Variants in AFAP1L2 observed in about 807,000 individuals in gnomAD.
The protein encoded by AFAP1L2 is actin filament associated protein 1 like 2.
A neutral mutation model predicts 99.3 loss-of-function variants in AFAP1L2; 46 were observed. That is an observed-to-expected ratio of 0.46 (90% confidence interval 0.37 to 0.59). The LOEUF (loss-of-function observed/expected upper bound fraction) is 0.59. Ranked by LOEUF, AFAP1L2 falls within the 20% of genes least tolerant of loss-of-function variation. The pLI is 0.00. For missense variants in AFAP1L2, 959 were observed against 1,034.9 expected (o/e 0.93, Z 1.01); for synonymous variants, 397 against 419.1 (o/e 0.95, Z 0.64).
intron 1 of AFAP1L2, among the ~76,000 whole-genome samples, chr10:114,357,683 T>G (rs1005912512): frequency 1.3e-5 from 2 of 152,224 alleles, no homozygotes; most frequent in Admixed American, 6.5e-5. Flanking sequence ...CTAATTTACA[T>G]GTATTCCTTG....
At chr10:114,349,555 G>GAAA (rs200302338) in intron 1 of AFAP1L2, among the ~76,000 whole-genome samples, 15 of 123,762 alleles carry the variant, frequency 1.2e-4, no homozygotes, top group African/African-American at 3.5e-4. Context: ...TTGTCGCTTG[G>GAAA]AAAAAAAAAA....
chr10:114,282,017 C>CTTTTTTTTTTTTTTTTTTT, the AFAP1L2 span, among the ~76,000 whole-genome samples: 55 of 119,674 alleles, frequency 4.6e-4, 2 homozygotes, highest in African/African-American at 1.2e-3. Flanking sequence ...CTTATGTTAC[C>CTTTTTTTTTTTTTTTTTTT]TTTTTTTTTT....
At chr10:114,372,068 T>A (rs575478359) in intron 1 of AFAP1L2, among the ~76,000 whole-genome samples, 1 of 152,348 alleles carries the variant, frequency 6.6e-6, no homozygotes, top group Admixed American at 6.5e-5. Flanking sequence ...AAAGGTTCTT[T>A]CCCTTAACTT....
intron 1 of AFAP1L2, among the ~76,000 whole-genome samples, chr10:114,381,067 C>A (rs1267668473): frequency 6.6e-6 from 1 of 152,122 alleles, no homozygotes; most frequent in Non-Finnish European, 1.5e-5. Context: ...AAAACTTGTA[C>A]ATGAATGGTT....
upstream of AFAP1L2, among the ~76,000 whole-genome samples, chr10:114,405,018 G>C (rs550645967): frequency 2.2e-4 from 34 of 152,322 alleles, no homozygotes; most frequent in African/African-American, 7.9e-4. Context: ...GGAGGGCAGC[G>C]GGGCGGGCAA....
intron 4 of AFAP1L2, chr10:114,325,998 A>G (rs2135378954): frequency 7.8e-7 from 1 of 1,284,804 alleles, no homozygotes; most frequent in Non-Finnish European, 1.0e-6. Context: ...CCATCTGGAG[A>G]AAAGCTCTGG....
Position 114,313,731 on chromosome 10 carries a change from G to A in AFAP1L2, c.792+140C>T, listed in dbSNP as rs570001380. 2.4e-4 allele frequency: 206 copies of A among 857,820 alleles called. 2 individuals are homozygous for A. Among genetic ancestry groups the A allele is most frequent in the South Asian group, 2.2e-3 (97 of 44,478 alleles). The allele number at this position is 857,820 out of a possible 1,614,324, so 53.1% of individuals were successfully genotyped here. ...GTAACCCATTTGCAGAAGACAGATC[G>A]TTACCACTTAGAACACAGGAAGCCC... is the stretch of plus-strand genomic sequence containing the variant. On this transcript the variant is annotated intron_variant, in intron 7 of 18. Transcript: ENST00000304129.
At chr10:114,335,759 T>C (rs1039652123) in intron 2 of AFAP1L2, among the ~76,000 whole-genome samples, 1 of 152,200 alleles carries the variant, frequency 6.6e-6, no homozygotes, top group Non-Finnish European at 1.5e-5. Context: ...AGTTTAATTA[T>C]AAGATCATGT....
At position 114,336,600 on chromosome 10, in the gene AFAP1L2, G is replaced by A. The variant is rs146123294; in HGVS notation, c.146-3305C>T. ...GAGAACTGGCATAGGGTGGGGAGGAGGAACATGAACCTCTTTGCTACCACT... is the reference window on the plus strand; with the variant it reads ...GAGAACTGGCATAGGGTGGGGAGGAAGAACATGAACCTCTTTGCTACCACT... On this transcript the variant is annotated intron_variant, in intron 2 of 18. Coordinates refer to ENST00000304129, the MANE Select transcript of AFAP1L2 (RefSeq NM_001001936.3). Among the ~76,000 whole-genome samples, 154 of 151,600 alleles carry A rather than the reference G, an allele frequency of 1.0e-3. 1 individual carries two copies. The highest frequency in any genetic ancestry group is 3.4e-3 in the Middle Eastern group (1 of 294).
chr10:114,340,931 C>T (rs2048734967), intron 1 of AFAP1L2, 200 bp from the exon 2 acceptor site: 7 of 673,270 alleles, frequency 1.0e-5, no homozygotes, highest in Non-Finnish European at 1.5e-5. Context: ...GAGAGAGAAA[C>T]AGGCCCTTGG....
chr10:114,309,431 T>C (rs924618845), intron 8 of AFAP1L2, among the ~76,000 whole-genome samples: 2 of 152,182 alleles, frequency 1.3e-5, no homozygotes, highest in African/African-American at 4.8e-5. Context: ...GTGTGCCTCT[T>C]GTTTTCCTCC....
intron 5 of AFAP1L2, chr10:114,319,594 G>A (rs2044768765): frequency 1.6e-6 from 2 of 1,289,584 alleles, no homozygotes; most frequent in Admixed American, 2.3e-5. Flanking sequence ...GACTCCTTCG[G>A]GCACCTGCAC....
rs373684328 is a variant in AFAP1L2, at chr10:114,341,796, C to T, written c.17-1065G>A. Among the ~76,000 whole-genome samples, 46 of 152,208 alleles carry T rather than the reference C, an allele frequency of 3.0e-4. 1 individual carries two copies. In the South Asian group the frequency reaches 8.3e-3, roughly 28 times the overall value. ...TCACACATCATGGTCTTCTCCCCCT[C>T]TGCTAAATCACAATTGTCCCTGTGT... On this transcript the variant is annotated intron_variant, in intron 1 of 18. Coordinates refer to ENST00000304129, the MANE Select transcript of AFAP1L2 (RefSeq NM_001001936.3).
the AFAP1L2 span, among the ~76,000 whole-genome samples, chr10:114,281,416 C>T: frequency 6.6e-6 from 1 of 152,176 alleles, no homozygotes; most frequent in African/African-American, 2.4e-5. Context: ...CCCAGCTCTG[C>T]TGTGTTCCGG....
intron 2 of AFAP1L2, among the ~76,000 whole-genome samples, chr10:114,338,172 G>A (rs1292370086): frequency 6.6e-6 from 1 of 152,214 alleles, no homozygotes; most frequent in African/African-American, 2.4e-5. Context: ...CAGGGAACAG[G>A]GAAGGGGAAA....
intron 7 of AFAP1L2, 150 bp from the exon 8 acceptor site, chr10:114,310,593 C>G (rs949796688): frequency 3.0e-6 from 2 of 676,628 alleles, no homozygotes; most frequent in South Asian, 4.3e-5. Context: ...CACCCGACCC[C>G]AGCCCCAAGG....
chr10:114,297,362 T>A lies in AFAP1L2; in HGVS notation c.2165A>T (p.Glu722Val). The change falls in exon 17 of 19, where the codon GAG becomes GTG. Residue 722 changes from glutamate to valine, a missense_variant. Transcript: ENST00000304129. ...LEQKLKEIDE[E>V]CRGEESRRVD... ...GCGCCTGCTCTCCTCGCCCCGGCAC[T>A]CCTCGTCAATTTCCTTCAGCTTCTG... 1 of 1,613,722 alleles carries A rather than the reference T, an allele frequency of 6.2e-7. No individual in the cohort carries two copies. The highest frequency in any genetic ancestry group is 1.1e-5 in the South Asian group (1 of 91,060).
chr10:114,343,067 T>A (rs2049034366), intron 1 of AFAP1L2, among the ~76,000 whole-genome samples: 1 of 152,216 alleles, frequency 6.6e-6, no homozygotes, highest in African/African-American at 2.4e-5. Context: ...GTGGCCTGGA[T>A]TAAGAGTAAA....
chr10:114,291,515 C>T, downstream of AFAP1L2: 1 of 437,790 alleles, frequency 2.3e-6, no homozygotes. Context: ...CTTTCTGTAC[C>T]TGCTGTGCCT....
Sources: gnomAD v4.1 joint callset for allele counts (sites outside exome capture counted in the v4.1 genomes callset) on GRCh38, gnomAD v4.1.1 for gene constraint, MANE v1.5 for transcripts, NCBI Gene and HGNC (gene_info 2026-07-23, HGNC 2026-07-21) for gene names.